Variants in LIPI observed in about 807,000 individuals in gnomAD.
LIPI encodes the protein lipase member I.
In LIPI, 59 loss-of-function variants were observed where a neutral mutation model predicts 50.6. That is an observed-to-expected ratio of 1.16 (90% confidence interval 0.94 to 1.45). The LOEUF (loss-of-function observed/expected upper bound fraction) is 1.45, where lower values mean the gene tolerates loss of function less well. Ranked by LOEUF, LIPI falls within the 40% of genes most tolerant of loss-of-function variation. LIPI has a pLI of 0.00. For missense variants in LIPI, 586 were observed against 536.3 expected, an observed-to-expected ratio of 1.09 and a Z score of -0.92; for synonymous variants, 203 against 178.2, an observed-to-expected ratio of 1.14 and a Z score of -1.11.
intron 7 of LIPI, among the ~76,000 whole-genome samples, chr21:14,162,039 C>A (rs1482308233): frequency 6.8e-6 from 1 of 146,202 alleles, no homozygotes; most frequent in African/African-American, 2.5e-5. Context: ...GAGTAGTATC[C>A]CATAGGAACA....
At position 14,121,299 on chromosome 21, in the gene LIPI, A is replaced by G. The variant is rs73894139; in HGVS notation, c.1296-12219T>C. On this transcript the variant is annotated intron_variant, in intron 9 of 9. Transcript: ENST00000681601. ...TTCTGGAAAGGTTGAGAGAATGAAC[A>G]AGACACCGAAACAACTGTTGAAGAA... Among the ~76,000 whole-genome samples, 878 of 152,306 alleles carry G rather than the reference A, an allele frequency of 5.8e-3. 10 individuals are homozygous for G. The highest frequency in any genetic ancestry group is 0.02 in the African/African-American group (828 of 41,566).
intron 3 of LIPI, among the ~76,000 whole-genome samples, chr21:14,183,113 G>T (rs1025108274): frequency 6.6e-6 from 1 of 152,160 alleles, no homozygotes; most frequent in Non-Finnish European, 1.5e-5. Flanking sequence ...CATGGTACTG[G>T]TACCAAAACA....
intron 4 of LIPI, among the ~76,000 whole-genome samples, chr21:14,176,943 T>G (rs2019119000): frequency 6.6e-6 from 1 of 152,106 alleles, no homozygotes; most frequent in Non-Finnish European, 1.5e-5. Flanking sequence ...TTTTTAAGGC[T>G]CAGTATATGC....
chr21:14,116,699 C>A (rs2016655697), intron 9 of LIPI, among the ~76,000 whole-genome samples: 1 of 152,102 alleles, frequency 6.6e-6, no homozygotes, highest in South Asian at 2.1e-4. Context: ...AGCCTGGGTA[C>A]CCTGATCAGT....
At chr21:14,130,427 C>T (rs2017249444) in intron 9 of LIPI, among the ~76,000 whole-genome samples, 1 of 152,166 alleles carries the variant, frequency 6.6e-6, no homozygotes, top group South Asian at 2.1e-4. Flanking sequence ...GACATTGCTA[C>T]CACCACCACC....
chr21:14,133,904 G>A (rs529299183), intron 9 of LIPI, among the ~76,000 whole-genome samples: 15 of 152,252 alleles, frequency 9.9e-5, no homozygotes, highest in African/African-American at 2.9e-4. Flanking sequence ...AAAATACTTA[G>A]GAATATAGTT....
chr21:14,141,614 C>T (rs2017710773), intron 9 of LIPI, among the ~76,000 whole-genome samples: 1 of 122,188 alleles, frequency 8.2e-6, no homozygotes, highest in African/African-American at 3.3e-5. Flanking sequence ...TGCTATGCTG[C>T]ATTAGGCCTC....
chr21:14,194,293 A>T (rs2019772087), intron 1 of LIPI, among the ~76,000 whole-genome samples: 1 of 152,168 alleles, frequency 6.6e-6, no homozygotes. Flanking sequence ...CAGCAATTCC[A>T]CTTCTGTATA....
At chr21:14,175,228 C>G (rs934371862) in intron 4 of LIPI, among the ~76,000 whole-genome samples, 2 of 152,088 alleles carry the variant, frequency 1.3e-5, no homozygotes, top group East Asian at 3.9e-4. Flanking sequence ...TTATGAGTAT[C>G]TTTGATTTTA....
chr21:14,152,391 G>C (rs1275091366), intron 8 of LIPI, among the ~76,000 whole-genome samples, 182 bp downstream of exon 8: 1 of 152,022 alleles, frequency 6.6e-6, no homozygotes, highest in Non-Finnish European at 1.5e-5. Flanking sequence ...TTTAACATAT[G>C]TTATCTTTCT....
intron 8 of LIPI, among the ~76,000 whole-genome samples, chr21:14,150,243 A>T (rs79917237): frequency 6.6e-6 from 1 of 152,154 alleles, no homozygotes; most frequent in Non-Finnish European, 1.5e-5. Context: ...AACCTGGTCC[A>T]ATCCTTGACA....
At chr21:14,175,905 G>A (rs551932332) in intron 4 of LIPI, among the ~76,000 whole-genome samples, 7 of 152,244 alleles carry the variant, frequency 4.6e-5, no homozygotes, top group South Asian at 2.1e-4. Context: ...TGGGCCGGGC[G>A]CGGTGGCTCA....
chr21:14,159,065 T>C (rs2018373292), intron 7 of LIPI, among the ~76,000 whole-genome samples: 1 of 151,512 alleles, frequency 6.6e-6, no homozygotes, highest in African/African-American at 2.4e-5. Flanking sequence ...TTTAAAGAAT[T>C]AACACAAATC....
intron 9 of LIPI, among the ~76,000 whole-genome samples, chr21:14,121,023 G>T (rs1176160593): frequency 6.6e-6 from 1 of 152,154 alleles, no homozygotes; most frequent in Non-Finnish European, 1.5e-5. Flanking sequence ...TTACCAAACT[G>T]CCTCAGGCTG....
In LIPI at chr21:14,130,339, A is replaced by AAC. The variant is rs1864501086; in HGVS notation, c.1295+14283_1295+14284insGT. 5.3e-5 allele frequency among the ~76,000 whole-genome samples: 8 copies of AAC among 151,110 alleles called. No individual in the cohort carries two copies. The South Asian group carries it at 1.3e-3, about 24-fold the overall frequency. Reference sequence around the variant, plus strand: ...CAGGCAACAGTGCAAGACTCTGTCTAAGAGAGAGAGAGAGAGACAAAAGTG... The same window carrying AAC: ...CAGGCAACAGTGCAAGACTCTGTCTAACAGAGAGAGAGAGAGAGACAAAAGTG... On this transcript the variant is annotated intron_variant, in intron 9 of 9. Transcript: ENST00000681601.
intron 7 of LIPI, 22 bp downstream of exon 7, chr21:14,163,397 G>A: frequency 8.9e-7 from 1 of 1,128,474 alleles, no homozygotes; most frequent in Non-Finnish European, 1.4e-6. Flanking sequence ...TTGTTTATTT[G>A]TTAAAATTGT....
At chr21:14,132,384 G>T in intron 9 of LIPI, among the ~76,000 whole-genome samples, 1 of 152,072 alleles carries the variant, frequency 6.6e-6, no homozygotes, top group Non-Finnish European at 1.5e-5. Flanking sequence ...AACCTTATGA[G>T]CCAGAAGATA....
Position 14,187,972 on chromosome 21 carries a change from C to A in LIPI, c.432+1062G>T, listed in dbSNP as rs1045938853. On this transcript the variant is annotated intron_variant, in intron 2 of 9. Coordinates refer to ENST00000681601, the MANE Select transcript of LIPI (RefSeq NM_001302998.2). ...TCTGACCCCTGGCCACTACATATAA[C>A]GGCTTCTTGGAAGTGTTGTTATTTG... Among the ~76,000 whole-genome samples the A allele has an allele frequency of 3.3e-5, 5 of 152,226 alleles. No individual in the cohort carries two copies. The Middle Eastern group carries it at 0.01, about 311-fold the overall frequency.
chr21:14,177,676 C>A (rs1020638222), intron 4 of LIPI, among the ~76,000 whole-genome samples: 2 of 152,046 alleles, frequency 1.3e-5, no homozygotes, highest in East Asian at 3.8e-4. Flanking sequence ...GAAAGGAACA[C>A]AGAAAGCTGG....
Sources: gnomAD v4.1 joint callset for allele counts (sites outside exome capture counted in the v4.1 genomes callset) on GRCh38, gnomAD v4.1.1 for gene constraint, MANE v1.5 for transcripts, NCBI Gene and HGNC (gene_info 2026-07-23, HGNC 2026-07-21) for gene names.